The following WDR7 variants were observed in gnomAD, a reference collection of about 807,000 sequenced individuals.
WDR7 encodes the protein WD repeat-containing protein 7.
In WDR7, 46 loss-of-function variants were observed where a neutral mutation model predicts 169.4. The observed-to-expected ratio is 0.27, with a 90% confidence interval of 0.21 to 0.35. The LOEUF is 0.35. WDR7 is among the 10% of genes least tolerant of loss of function. WDR7 has a pLI of 1.00. For missense variants in WDR7, 1,534 were observed against 1,859.3 expected (o/e 0.83, Z 3.22); for synonymous variants, 612 against 666.8 (o/e 0.92, Z 1.27).
intron 26 of WDR7, among the ~76,000 whole-genome samples, chr18:56,991,087 G>A (rs1006272011): frequency 1.3e-5 from 2 of 150,890 alleles, no homozygotes; most frequent in African/African-American, 2.4e-5. Context: ...CTCAGCTTTG[G>A]ACACAACTTA....
intron 19 of WDR7, among the ~76,000 whole-genome samples, chr18:56,797,326 A>G (rs1021114966): frequency 1.3e-5 from 2 of 152,152 alleles, no homozygotes; most frequent in South Asian, 4.1e-4. Flanking sequence ...AAGAGATTAC[A>G]TTTGGACCTG....
chr18:56,858,076 C>T (rs899222619), intron 20 of WDR7, among the ~76,000 whole-genome samples: 1 of 152,140 alleles, frequency 6.6e-6, no homozygotes, highest in Non-Finnish European at 1.5e-5. Flanking sequence ...CTGCTGAGCT[C>T]CAGGCTTTTA....
chr18:56,820,572 A>G (rs1360124535), intron 20 of WDR7, among the ~76,000 whole-genome samples: 2 of 152,000 alleles, frequency 1.3e-5, no homozygotes, highest in Non-Finnish European at 2.9e-5. Context: ...AGAATAATGT[A>G]TTTTGCTATT....
At chr18:56,765,190 A>G (rs573357091) in intron 16 of WDR7, among the ~76,000 whole-genome samples, 2 of 152,120 alleles carry the variant, frequency 1.3e-5, no homozygotes, top group South Asian at 4.1e-4. Context: ...TTTTTAATCC[A>G]ATCTGACCTG....
intron 12 of WDR7, among the ~76,000 whole-genome samples, chr18:56,703,511 A>G (rs2025878491): frequency 6.6e-6 from 1 of 152,204 alleles, no homozygotes; most frequent in Non-Finnish European, 1.5e-5. Context: ...AAAAACAGGA[A>G]GCAGAACTAA....
downstream of WDR7, chr18:57,030,266 G>A (rs542691920): frequency 1.3e-5 from 2 of 152,202 alleles, no homozygotes; most frequent in South Asian, 2.1e-4. Context: ...AGGGTTATGT[G>A]TAAGTAGTGA....
intron 22 of WDR7, among the ~76,000 whole-genome samples, chr18:56,930,298 C>G (rs1244637197): frequency 6.6e-6 from 1 of 152,198 alleles, no homozygotes; most frequent in East Asian, 1.9e-4. Context: ...TAGCTCAAAT[C>G]TCAGCCATTC....
At chr18:56,861,259 C>T (rs1414569912) in intron 20 of WDR7, among the ~76,000 whole-genome samples, 3 of 152,148 alleles carry the variant, frequency 2.0e-5, no homozygotes, top group African/African-American at 7.2e-5. Context: ...GCGTGTGAGC[C>T]GCCCTTTCAC....
chr18:56,973,168 G>A lies in WDR7; in HGVS notation c.4164+10639G>A, dbSNP rs141830503. Among the ~76,000 whole-genome samples, 1,189 of 152,292 alleles carry A rather than the reference G, an allele frequency of 7.8e-3. 13 individuals are homozygous for A. Among genetic ancestry groups the A allele is most frequent in the African/African-American group, 0.024 (987 of 41,570 alleles). On this transcript the variant is annotated intron_variant, in intron 26 of 27. Transcript: ENST00000254442. ...TGGGATTACAGGCGCGAGCCACCGC[G>A]CCCGGCCATGGGTACTTCTTATATC... is the stretch of plus-strand genomic sequence containing the variant.
intron 14 of WDR7, among the ~76,000 whole-genome samples, chr18:56,753,499 A>G (rs2043826255): frequency 6.6e-6 from 1 of 152,200 alleles, no homozygotes; most frequent in African/African-American, 2.4e-5. Context: ...TGGCAAAGAC[A>G]TACAAATATG....
chr18:56,809,718 A>G lies in WDR7; in HGVS notation c.3191-6313A>G, dbSNP rs147126918. Among the ~76,000 whole-genome samples, 157 of 152,118 alleles carry G rather than the reference A, an allele frequency of 1.0e-3. 1 individual carries two copies. The highest frequency in any genetic ancestry group is 2.7e-3 in the Admixed American group (41 of 15,258). ...GTCTCTGTGTTTTGTTGAAAATAGC[A>G]TTGTATTCTGGCATAGTCTTCAATT... On this transcript the variant is annotated intron_variant, in intron 19 of 27. Transcript: ENST00000254442.
intron 20 of WDR7, among the ~76,000 whole-genome samples, chr18:56,864,890 T>C (rs2045859181): frequency 6.6e-6 from 1 of 151,302 alleles, no homozygotes; most frequent in South Asian, 2.1e-4. Context: ...TGATACTCAA[T>C]GAGAAGAAAG....
chr18:56,799,365 A>G (rs1432586144), intron 19 of WDR7, among the ~76,000 whole-genome samples: 1 of 152,166 alleles, frequency 6.6e-6, no homozygotes, highest in Non-Finnish European at 1.5e-5. Context: ...CAGGATGACA[A>G]TATCTTAAGT....
intron 18 of WDR7, among the ~76,000 whole-genome samples, chr18:56,780,656 C>T (rs752444447): frequency 9.9e-5 from 15 of 151,986 alleles, no homozygotes; most frequent in East Asian, 5.8e-4. Context: ...AAAAATTAGC[C>T]GGTCGTGGTG....
chr18:56,880,096 T>C lies in WDR7; in HGVS notation c.3457T>C (p.Ser1153Pro), dbSNP rs2046084056. ...TAAACTATTGACCAGACCTCGAAGC[T>C]CTAGCCAAATTCCTGAGGGATTCGG... The part of the protein sequence containing the change: ...PPKLLTRPRS[S>P]SQIPEGFGLT... The change falls in exon 21 of 28, where the codon TCT (serine) becomes CCT (proline). Residue 1153 changes from serine (S) to proline (P), a missense_variant. Coordinates refer to ENST00000254442, the MANE Select transcript of WDR7 (RefSeq NM_015285.3). The C allele has an allele frequency of 1.2e-6, 2 of 1,613,994 alleles. No homozygotes were observed.
intron 20 of WDR7, among the ~76,000 whole-genome samples, chr18:56,871,967 T>C (rs1313050494): frequency 6.6e-6 from 1 of 152,116 alleles, no homozygotes; most frequent in African/African-American, 2.4e-5. Flanking sequence ...ATTGAATGTT[T>C]AAGAACAGTT....
intron 5 of WDR7, among the ~76,000 whole-genome samples, chr18:56,684,717 A>G (rs12963569): frequency 0.089 from 13,492 of 152,176 alleles, 1,072 homozygotes; most frequent in East Asian, 0.38. Flanking sequence ...GTTGGTTCTG[A>G]AGTTTGTTAA....
chr18:56,984,673 A>G (rs1403336712), intron 26 of WDR7, among the ~76,000 whole-genome samples: 1 of 152,186 alleles, frequency 6.6e-6, no homozygotes. Context: ...ATCCCTATTT[A>G]TGCAGCACTT....
At chr18:56,870,753 C>T (rs796913278) in intron 20 of WDR7, among the ~76,000 whole-genome samples, 15 of 152,254 alleles carry the variant, frequency 9.9e-5, no homozygotes, top group African/African-American at 3.6e-4. Context: ...TTCCAAAGTA[C>T]TGGAATTAGA....
Sources: gnomAD v4.1 joint callset for allele counts (sites outside exome capture counted in the v4.1 genomes callset) on GRCh38, gnomAD v4.1.1 for gene constraint, MANE v1.5 for transcripts, NCBI Gene and HGNC (gene_info 2026-07-23, HGNC 2026-07-21) for gene names.